The following ROBO1 variants were observed in gnomAD, a reference collection of about 807,000 sequenced individuals.
ROBO1 encodes the protein roundabout homolog 1.
ROBO1 carries 149 observed loss-of-function variants against 195.9 expected under a neutral mutation model. The observed-to-expected ratio is 0.76, with a 90% confidence interval of 0.67 to 0.87. ROBO1 has a LOEUF of 0.87. ROBO1 is among the 40% of genes least tolerant of loss of function. The probability of loss-of-function intolerance (pLI) is 0.00; values close to 1 mark genes in which losing one functional copy is unlikely to be tolerated. For synonymous variants in ROBO1, 816 were observed against 733.2 expected, an observed-to-expected ratio of 1.11 and a Z score of -1.82; for missense variants, 1,933 against 2,068.3, an observed-to-expected ratio of 0.93 and a Z score of 1.27.
At chr3:79,524,866 T>G (rs969466056) in intron 2 of ROBO1, among the ~76,000 whole-genome samples, 2 of 152,094 alleles carry the variant, frequency 1.3e-5, no homozygotes, top group African/African-American at 4.8e-5. Context: ...TTATTATTTC[T>G]CTGGTCCTAG....
At chr3:78,873,125 A>C (rs933942654) in intron 4 of ROBO1, among the ~76,000 whole-genome samples, 5 of 152,116 alleles carry the variant, frequency 3.3e-5, no homozygotes, top group African/African-American at 1.2e-4. Context: ...TTTCCCTCCC[A>C]AAAACAGTCT....
At chr3:78,837,026 T>C (rs991900456) in intron 4 of ROBO1, among the ~76,000 whole-genome samples, 1 of 152,132 alleles carries the variant, frequency 6.6e-6, no homozygotes, top group Non-Finnish European at 1.5e-5. Context: ...CACATTGTAA[T>C]TATATTGTAA....
chr3:78,627,954 CTTTT>C (rs11445603), intron 25 of ROBO1, among the ~76,000 whole-genome samples: 3 of 143,422 alleles, frequency 2.1e-5, no homozygotes, highest in African/African-American at 2.6e-5. Context: ...AAAAATTACT[CTTTT>C]TTTTTTTTTT....
chr3:79,401,955 C>T (rs962550125), intron 2 of ROBO1, among the ~76,000 whole-genome samples: 1 of 151,854 alleles, frequency 6.6e-6, no homozygotes, highest in Non-Finnish European at 1.5e-5. Flanking sequence ...CATGGTTACA[C>T]GTACAGTAGT....
At chr3:79,348,611 A>G (rs945758329) in intron 2 of ROBO1, among the ~76,000 whole-genome samples, 2 of 152,196 alleles carry the variant, frequency 1.3e-5, no homozygotes, top group Non-Finnish European at 2.9e-5. Context: ...ATTGGAGGTA[A>G]TGTTTGTGCT....
At chr3:79,357,216 A>G (rs1199409102) in intron 2 of ROBO1, among the ~76,000 whole-genome samples, 1 of 152,144 alleles carries the variant, frequency 6.6e-6, no homozygotes, top group Admixed American at 6.6e-5. Context: ...TCCTGACTCT[A>G]ACAAGTCATG....
intron 2 of ROBO1, among the ~76,000 whole-genome samples, chr3:79,250,342 G>C (rs2605172): frequency 6.6e-6 from 1 of 152,132 alleles, no homozygotes; most frequent in Admixed American, 6.5e-5. Context: ...GAAGACATTA[G>C]ACATTAAAAT....
At chr3:79,612,599 C>T (rs1452785606) in intron 1 of ROBO1, among the ~76,000 whole-genome samples, 7 of 148,974 alleles carry the variant, frequency 4.7e-5, no homozygotes, top group South Asian at 4.4e-4. Context: ...CCTGAGGAAT[C>T]GCCACACTGA....
At chr3:78,668,640 G>A (rs1011754362) in intron 11 of ROBO1, 75 bp from the exon 12 acceptor site, 4 of 1,328,736 alleles carry the variant, frequency 3.0e-6, no homozygotes, top group Admixed American at 1.9e-5. Context: ...TTACAGGTTT[G>A]TATATGATCC....
chr3:78,635,690 A>G (rs1705450462), intron 23 of ROBO1, 83 bp downstream of exon 23: 1 of 1,178,590 alleles, frequency 8.5e-7, no homozygotes, highest in Non-Finnish European at 1.2e-6. Context: ...TTTACTTGCT[A>G]GTCGCAGACA....
chr3:79,475,223 G>C (rs1345705195), intron 2 of ROBO1, among the ~76,000 whole-genome samples: 1 of 151,596 alleles, frequency 6.6e-6, no homozygotes, highest in Non-Finnish European at 1.5e-5. Context: ...GGTATGTTTT[G>C]AATCATAAGG....
chr3:79,127,580 A>G (rs1339811302), intron 2 of ROBO1, among the ~76,000 whole-genome samples: 1 of 152,216 alleles, frequency 6.6e-6, no homozygotes, highest in Non-Finnish European at 1.5e-5. Flanking sequence ...ATACAGATTC[A>G]TCCAAATCCA....
At chr3:79,426,843 A>AT (rs1357629632) in intron 2 of ROBO1, among the ~76,000 whole-genome samples, 1 of 152,194 alleles carries the variant, frequency 6.6e-6, no homozygotes, top group Non-Finnish European at 1.5e-5. Flanking sequence ...GGTCTTAACC[A>AT]TTTTTGAAAT....
At chr3:78,739,596 C>G (rs552128313) in intron 5 of ROBO1, among the ~76,000 whole-genome samples, 1 of 152,044 alleles carries the variant, frequency 6.6e-6, no homozygotes, top group African/African-American at 2.4e-5. Context: ...TTAGGTAAGA[C>G]TTCTAGTCTT....
rs183111802 is a variant in ROBO1 at position 78,906,642 on chromosome 3, G to T, written c.499+31959C>A. 2.6e-3 allele frequency among the ~76,000 whole-genome samples: 388 copies of T among 152,150 alleles called. 3 individuals carry two copies. The highest frequency in any genetic ancestry group is 0.01 in the Middle Eastern group (3 of 294). ...ACATTCTGATACTTTAAAAGCAGTT[G>T]TTCTCAAATGGTTTGATGTCAAGAC... On this transcript the variant is annotated intron_variant, in intron 4 of 30. Transcript: ENST00000464233.
At chr3:78,905,202 G>A (rs180861941) in intron 4 of ROBO1, among the ~76,000 whole-genome samples, 1 of 152,094 alleles carries the variant, frequency 6.6e-6, no homozygotes, top group Non-Finnish European at 1.5e-5. Context: ...TTCCTAAGGA[G>A]CTCTTCTAAA....
intron 1 of ROBO1, among the ~76,000 whole-genome samples, chr3:79,712,541 G>T (rs1259212581): frequency 6.6e-6 from 1 of 152,242 alleles, no homozygotes; most frequent in South Asian, 2.1e-4. Context: ...AAAAGAAGTT[G>T]TCTGCATAAC....
At chr3:78,909,726 T>C (rs2038136446) in intron 4 of ROBO1, among the ~76,000 whole-genome samples, 1 of 151,748 alleles carries the variant, frequency 6.6e-6, no homozygotes, top group Non-Finnish European at 1.5e-5. Context: ...ATGTACATGA[T>C]GTCAAAGATA....
intron 3 of ROBO1, among the ~76,000 whole-genome samples, chr3:79,090,071 C>A (rs1210227481): frequency 2.0e-5 from 3 of 151,878 alleles, no homozygotes; most frequent in Non-Finnish European, 4.4e-5. Flanking sequence ...TCCTGAGTAG[C>A]TAGGACTACA....
Sources: allele counts gnomAD v4.1 joint callset (sites outside exome capture counted in the v4.1 genomes callset), GRCh38; gene constraint gnomAD v4.1.1; transcripts MANE v1.5; gene names NCBI Gene and HGNC (gene_info 2026-07-23, HGNC 2026-07-21).